Variants in EGFLAM observed in about 807,000 individuals in gnomAD.
EGFLAM encodes the protein pikachurin.
A neutral mutation model predicts 113.1 loss-of-function variants in EGFLAM; 79 were observed. That is an observed-to-expected ratio of 0.70 (90% CI 0.58 to 0.84). The LOEUF is 0.84. Ranked by LOEUF, EGFLAM falls within the 40% of genes least tolerant of loss-of-function variation. The pLI is 0.00. For missense variants in EGFLAM, 1,265 were observed against 1,291.6 expected (o/e 0.98, Z 0.32); for synonymous variants, 504 against 487.6 (o/e 1.03, Z -0.44).
At chr5:38,361,021 A>AT (rs35274664) in intron 5 of EGFLAM, among the ~76,000 whole-genome samples, 8,803 of 138,144 alleles carry the variant, frequency 0.064, 853 homozygotes, top group African/African-American at 0.21. Context: ...CGCCCAGCTA[A>AT]TTTTTTTTTT....
At position 38,270,082 on chromosome 5, in the gene EGFLAM, C is replaced by T. The variant is rs537944378; in HGVS notation, c.97+11231C>T. Among the ~76,000 whole-genome samples the T allele has an allele frequency of 7.2e-5, 11 of 152,306 alleles. No homozygotes were observed. In the East Asian group the frequency reaches 1.7e-3, roughly 24 times the overall value. ...AGGCTTCACTTAGAAAGACTCCATG[C>T]GTGTCATGGGACACTCTGTAGAGTA... On this transcript the variant is annotated intron_variant, in intron 1 of 21. Coordinates refer to ENST00000322350, the MANE Select transcript of EGFLAM (RefSeq NM_152403.4).
At chr5:38,325,710 T>A (rs1738861779) in intron 1 of EGFLAM, among the ~76,000 whole-genome samples, 1 of 152,154 alleles carries the variant, frequency 6.6e-6, no homozygotes, top group East Asian at 1.9e-4. Context: ...AATTTATCCA[T>A]CTCTTTACTG....
intron 20 of EGFLAM, among the ~76,000 whole-genome samples, chr5:38,459,349 G>A (rs889566260): frequency 2.6e-5 from 4 of 151,652 alleles, no homozygotes; most frequent in Admixed American, 2.0e-4. Context: ...GAACCTGACT[G>A]TATTTCACTC....
intron 1 of EGFLAM, among the ~76,000 whole-genome samples, chr5:38,266,931 C>A (rs1381757513): frequency 6.6e-6 from 1 of 152,110 alleles, no homozygotes; most frequent in Admixed American, 6.5e-5. Flanking sequence ...AAAAATAGAC[C>A]GGGCTCACTC....
intron 1 of EGFLAM, 69 bp downstream of exon 1, chr5:38,258,920 A>G (rs1202741731): frequency 6.7e-6 from 10 of 1,491,246 alleles, no homozygotes; most frequent in African/African-American, 2.8e-5. Context: ...GCGAGGACAC[A>G]GAGCGGGCAG....
At chr5:38,277,605 G>T (rs985271397) in intron 1 of EGFLAM, among the ~76,000 whole-genome samples, 2 of 53,316 alleles carry the variant, frequency 3.8e-5, no homozygotes, top group African/African-American at 1.1e-4. Flanking sequence ...AAATGGGAAA[G>T]AAGAAGTGAA....
At chr5:38,438,209 G>A in intron 16 of EGFLAM, 66 bp from the exon 17 acceptor site, 3 of 1,520,070 alleles carry the variant, frequency 2.0e-6, no homozygotes, top group South Asian at 2.7e-5. Flanking sequence ...TTTGCCAAGG[G>A]AAGCTTTAGA....
intron 6 of EGFLAM, among the ~76,000 whole-genome samples, chr5:38,396,686 C>T (rs757567064): frequency 6.6e-6 from 1 of 152,224 alleles, no homozygotes; most frequent in Non-Finnish European, 1.5e-5. Flanking sequence ...AGTATTGCCA[C>T]AGAAGGTTGC....
intron 7 of EGFLAM, 114 bp from the exon 8 acceptor site, chr5:38,406,714 C>A: frequency 1.0e-6 from 1 of 975,444 alleles, no homozygotes; most frequent in Non-Finnish European, 1.5e-6. Flanking sequence ...CATCTCCATC[C>A]TAGGGTTTTT....
At chr5:38,365,036 A>G (rs1024488369) in intron 5 of EGFLAM, among the ~76,000 whole-genome samples, 48 of 152,132 alleles carry the variant, frequency 3.2e-4, no homozygotes, top group African/African-American at 1.0e-3. Flanking sequence ...GGTCAAGGCT[A>G]TTCTGGATGT....
chr5:38,422,919 C>T (rs566357595), intron 12 of EGFLAM, among the ~76,000 whole-genome samples: 1 of 152,198 alleles, frequency 6.6e-6, no homozygotes, highest in African/African-American at 2.4e-5. Flanking sequence ...GGCTTACTCA[C>T]CCATGCTCAG....
At chr5:38,400,413 T>G (rs796740317) in intron 6 of EGFLAM, among the ~76,000 whole-genome samples, 1 of 152,310 alleles carries the variant, frequency 6.6e-6, no homozygotes, top group African/African-American at 2.4e-5. Flanking sequence ...TTTTTAATGT[T>G]CTCTTTTCCT....
rs185710612 is a variant in EGFLAM, at chr5:38,435,733, G to C, written c.2283+480G>C. On this transcript the variant is annotated intron_variant, in intron 16 of 21. Transcript: ENST00000322350. ...ATGTAACCAAGCTCTTAAGAGCATA[G>C]ATTAAAGAGTTCTTCCCTAGAAGGT... Among the ~76,000 whole-genome samples the C allele has an allele frequency of 6.1e-4, 90 of 147,088 alleles. 1 individual carries two copies. The highest frequency in any genetic ancestry group is 2.2e-3 in the African/African-American group (87 of 40,096).
chr5:38,381,407 C>A lies in EGFLAM; in HGVS notation c.712+10945C>A, dbSNP rs1351789419. On this transcript the variant is annotated intron_variant, in intron 6 of 21. Coordinates refer to ENST00000322350, the MANE Select transcript of EGFLAM (RefSeq NM_152403.4). ...TGCATGCTGGCTGAGTTTGATGGAT[C>A]TCATCTGATAATGCAACCGAATACG... Among the ~76,000 whole-genome samples the A allele has an allele frequency of 2.6e-5, 4 of 152,272 alleles. No individual in the cohort carries two copies. In the East Asian group the frequency reaches 7.7e-4, roughly 29 times the overall value.
At chr5:38,349,790 C>CACACACAT (rs1739568724) in intron 3 of EGFLAM, among the ~76,000 whole-genome samples, 4 of 151,548 alleles carry the variant, frequency 2.6e-5, no homozygotes, top group African/African-American at 9.7e-5. Flanking sequence ...CACACACACA[C>CACACACAT]ACACACACAC....
intron 14 of EGFLAM, among the ~76,000 whole-genome samples, chr5:38,429,056 T>C (rs951843759): frequency 3.3e-5 from 5 of 152,190 alleles, no homozygotes; most frequent in African/African-American, 1.2e-4. Flanking sequence ...ATTAAGACAA[T>C]GCAGTGAAAA....
chr5:38,423,451 T>G (rs906617526), intron 12 of EGFLAM, among the ~76,000 whole-genome samples: 1 of 152,164 alleles, frequency 6.6e-6, no homozygotes, highest in Admixed American at 6.5e-5. Context: ...CCCCCACCTC[T>G]TAAAAAATGG....
intron 12 of EGFLAM, among the ~76,000 whole-genome samples, chr5:38,422,140 A>G (rs944709188): frequency 2.6e-5 from 4 of 152,120 alleles, no homozygotes; most frequent in African/African-American, 9.7e-5. Context: ...ACTCCACCCC[A>G]TGATGTTCCA....
intron 1 of EGFLAM, among the ~76,000 whole-genome samples, chr5:38,274,525 AC>A (rs2111729022): frequency 6.6e-6 from 1 of 152,302 alleles, no homozygotes; most frequent in South Asian, 2.1e-4. Context: ...GAAAACACTT[AC>A]AGGCCAAGAG....
Sources: allele counts gnomAD v4.1 joint callset (sites outside exome capture counted in the v4.1 genomes callset), GRCh38; gene constraint gnomAD v4.1.1; transcripts MANE v1.5; gene names NCBI Gene and HGNC (gene_info 2026-07-23, HGNC 2026-07-21).